STOX2: variants seen among roughly 807,000 people sequenced by gnomAD.
STOX2 encodes the protein storkhead-box protein 2.
Under a neutral mutation model 60.9 loss-of-function variants are expected in STOX2, and 28 were observed. The ratio of observed to expected loss-of-function variants is 0.46; its 90% CI spans 0.34 to 0.63. STOX2 has a LOEUF of 0.63. Among genes scored for constraint, STOX2 ranks in the 30% least tolerant of loss-of-function variants. The probability of loss-of-function intolerance (pLI) is 0.01; values close to 1 mark genes in which losing one functional copy is unlikely to be tolerated. For missense variants in STOX2, 1,024 were observed against 1,187.7 expected (o/e 0.86, Z 2.03); for synonymous variants, 472 against 463.9 (o/e 1.02, Z -0.22).
At chr4:183,891,232 A>G (rs561134791) in intron 1 of STOX2, among the ~76,000 whole-genome samples, 13 of 151,660 alleles carry the variant, frequency 8.6e-5, no homozygotes, top group Middle Eastern at 3.4e-3. Flanking sequence ...ACCAGCCCAA[A>G]TGCCCATTAA....
chr4:183,896,703 A>C (rs1447256203), intron 1 of STOX2, among the ~76,000 whole-genome samples: 3 of 152,328 alleles, frequency 2.0e-5, no homozygotes, highest in Middle Eastern at 3.4e-3. Context: ...AAGTGGATTT[A>C]CAGCTCATCT....
chr4:183,919,991 G>A (rs1742052119), intron 1 of STOX2, among the ~76,000 whole-genome samples: 1 of 151,956 alleles, frequency 6.6e-6, no homozygotes, highest in Non-Finnish European at 1.5e-5. Context: ...ATCCTGCAAG[G>A]GTGCCACTGA....
chr4:183,911,436 T>C (rs1741780368), intron 1 of STOX2, among the ~76,000 whole-genome samples: 1 of 152,200 alleles, frequency 6.6e-6, no homozygotes, highest in Non-Finnish European at 1.5e-5. Context: ...GCTCCAACTG[T>C]GTTTTAATTT....
intron 2 of STOX2, among the ~76,000 whole-genome samples, chr4:184,007,379 T>C (rs377357723): frequency 1.1e-4 from 16 of 152,304 alleles, no homozygotes; most frequent in African/African-American, 3.6e-4. Context: ...TTGGTGCACA[T>C]TGTTGTTTGA....
In STOX2 at chr4:184,010,518, C is replaced by T; in HGVS notation, c.1680C>T (p.Val560=). Residue 560 remains valine (V), a synonymous_variant, in exon 3 of 4, where the codon GTC becomes GTT. Coordinates refer to ENST00000308497, the MANE Select transcript of STOX2 (RefSeq NM_020225.3). This position sits in a 1 kb window ranked among gnomAD's most constrained non-coding sequence, Gnocchi z 4.5. The stretch of plus-strand genomic sequence containing the variant: ...AAGAGGTGTGTATTCCAGAGATAGT[C>T]AGTGGCAGCAAGGAACCGTCCAGCG... The part of the protein sequence containing the change: ...SYKEVCIPEI[V]SGSKEPSSAC... The T allele has an allele frequency of 6.2e-7, 1 of 1,613,854 alleles. No homozygotes were observed. Among genetic ancestry groups the T allele is most frequent in the Non-Finnish European group, 8.5e-7 (1 of 1,179,814 alleles).
intron 1 of STOX2, among the ~76,000 whole-genome samples, chr4:183,838,449 C>T (rs1163461429): frequency 6.6e-6 from 1 of 151,796 alleles, no homozygotes; most frequent in African/African-American, 2.4e-5. Flanking sequence ...TATTTCATTA[C>T]TTTTAGATAG....
At chr4:183,800,663 G>T (rs974178319) in intron 1 of STOX2, among the ~76,000 whole-genome samples, 4 of 152,160 alleles carry the variant, frequency 2.6e-5, no homozygotes, top group Non-Finnish European at 5.9e-5. Context: ...GTTACCAATA[G>T]TCCTCTGAAA....
chr4:183,841,340 C>T (rs1739857634), intron 1 of STOX2, among the ~76,000 whole-genome samples: 1 of 151,930 alleles, frequency 6.6e-6, no homozygotes, highest in Admixed American at 6.6e-5. Context: ...CAGGCTAGTA[C>T]TGTAGGTGCA....
rs1734093772 is a variant in STOX2 at position 184,010,408 on chromosome 4, A to T, written c.1570A>T (p.Ser524Cys). 2 of 1,613,662 alleles carry T rather than the reference A, an allele frequency of 1.2e-6. No homozygotes were observed. The highest frequency in any genetic ancestry group is 2.2e-5 in the South Asian group (2 of 90,960). ...CTGCAGCCAAGACGACCAGACCCCC[A>T]GCCAATCCTACATTGACGACAGTAC... ...EGCSQDDQTP[S>C]QSYIDDSTLR... The change falls in exon 3 of 4, where the codon AGC becomes TGC. Residue 524 changes from serine (S) to cysteine (C), a missense_variant. Ser to Cys is a moderately radical substitution (Grantham distance 112). Transcript: ENST00000308497. This position sits in a 1 kb window ranked among gnomAD's most constrained non-coding sequence, Gnocchi z 4.5.
At chr4:183,801,899 T>C (rs759425141) in intron 1 of STOX2, among the ~76,000 whole-genome samples, 9 of 152,022 alleles carry the variant, frequency 5.9e-5, no homozygotes, top group Non-Finnish European at 1.2e-4. Context: ...GGGAGGGGAT[T>C]AGAAAGAAAT....
At chr4:183,840,315 C>A (rs1409739506) in intron 1 of STOX2, among the ~76,000 whole-genome samples, 1 of 152,138 alleles carries the variant, frequency 6.6e-6, no homozygotes, top group African/African-American at 2.4e-5. Flanking sequence ...ATTCTGTGTT[C>A]TGTTACAAAT....
chr4:184,019,310 T>G lies in STOX2; in HGVS notation c.*2026T>G, dbSNP rs1378994666. The stretch of plus-strand genomic sequence containing the variant: ...CATTGTTTGTCTCATTGCTTAAATA[T>G]GTCCAGAAGGAATGATCATGTATCT... On this transcript the variant is annotated 3_prime_UTR_variant, in exon 4 of 4. Transcript: ENST00000308497. The G allele has an allele frequency of 6.6e-6, 1 of 152,252 alleles. No individual in the cohort carries two copies. The highest frequency in any genetic ancestry group is 1.5e-5 in the Non-Finnish European group (1 of 68,044). 9.4% of individuals were successfully genotyped at this position (152,252 alleles called of 1,614,324 possible). A position where few individuals can be genotyped will look rare whatever the true frequency, so the allele number is the denominator to read the frequency against.
intron 1 of STOX2, among the ~76,000 whole-genome samples, chr4:183,915,437 T>G (rs1454402630): frequency 6.6e-6 from 1 of 152,108 alleles, no homozygotes; most frequent in Non-Finnish European, 1.5e-5. Context: ...TTTTTTTCCT[T>G]TTTGGCTGCC....
chr4:183,915,708 G>C (rs911712847), intron 1 of STOX2, among the ~76,000 whole-genome samples: 35 of 152,316 alleles, frequency 2.3e-4, no homozygotes, highest in African/African-American at 7.9e-4. Context: ...TGACGAGAGA[G>C]GCAGAGATGG....
chr4:183,799,222 C>T (rs543969073), intron 1 of STOX2, among the ~76,000 whole-genome samples: 3 of 152,154 alleles, frequency 2.0e-5, no homozygotes, highest in African/African-American at 7.2e-5. Flanking sequence ...CTTGAGTAGA[C>T]AAAAAGCTAG....
At chr4:183,953,487 C>T (rs916818557) in intron 1 of STOX2, among the ~76,000 whole-genome samples, 1 of 152,140 alleles carries the variant, frequency 6.6e-6, no homozygotes. Context: ...AAGACTGGGG[C>T]CCATTCATAG....
upstream of STOX2, among the ~76,000 whole-genome samples, chr4:183,904,660 G>T (rs1560873336): frequency 6.6e-6 from 1 of 152,218 alleles, no homozygotes; most frequent in Non-Finnish European, 1.5e-5. Context: ...ATCCCAAGAG[G>T]TAGTACAGTG....
intron 1 of STOX2, among the ~76,000 whole-genome samples, chr4:183,968,506 A>G (rs1743646037): frequency 6.6e-6 from 1 of 152,146 alleles, no homozygotes; most frequent in Admixed American, 6.5e-5. Flanking sequence ...ACACAAGCAC[A>G]AACACAGACC....
chr4:183,968,343 TACACACACACACAC>T (rs60432446), intron 1 of STOX2, among the ~76,000 whole-genome samples: 2 of 145,510 alleles, frequency 1.4e-5, no homozygotes, highest in Admixed American at 6.9e-5. Context: ...TGCATATACC[TACACACACACACAC>T]ACACACACAC....
Sources: gnomAD v4.1 joint callset for allele counts (sites outside exome capture counted in the v4.1 genomes callset) on GRCh38, gnomAD v4.1.1 for gene constraint, Gnocchi (gnomAD v3.1) non-coding constraint, MANE v1.5 for transcripts, NCBI Gene and HGNC (gene_info 2026-07-23, HGNC 2026-07-21) for gene names.